The following FGF12 variants were observed in gnomAD, a reference collection of about 807,000 sequenced individuals.
FGF12 encodes fibroblast growth factor 12B.
FGF12 carries 14 observed loss-of-function variants against 23.6 expected under a neutral mutation model. The ratio of observed to expected loss-of-function variants is 0.59; its 90% CI spans 0.39 to 0.93. The LOEUF is 0.93. Among genes scored for constraint, FGF12 ranks in the 40% least tolerant of loss-of-function variants. The pLI, the probability that FGF12 is intolerant of heterozygous loss-of-function variation, is 0.00. For missense variants in FGF12, 175 were observed against 217.8 expected, an observed-to-expected ratio of 0.80 and a Z score of 1.24; for synonymous variants, 62 against 77.3, an observed-to-expected ratio of 0.80 and a Z score of 1.04.
chr3:192,660,336 A>G (rs973291529), intron 2 of FGF12, among the ~76,000 whole-genome samples: 2 of 128,986 alleles, frequency 1.6e-5, no homozygotes, highest in African/African-American at 5.9e-5. Flanking sequence ...CAAGAAGGGG[A>G]ACATCACACA....
At chr3:192,655,726 A>T (rs1231163274) in intron 2 of FGF12, among the ~76,000 whole-genome samples, 1 of 152,198 alleles carries the variant, frequency 6.6e-6, no homozygotes, top group East Asian at 1.9e-4. Context: ...CGAGTGTCCC[A>T]TGCTAATATG....
At chr3:192,442,845 T>C (rs1722240911) in intron 2 of FGF12, among the ~76,000 whole-genome samples, 2 of 151,324 alleles carry the variant, frequency 1.3e-5, no homozygotes, top group South Asian at 4.2e-4. Context: ...TCTCATTCTG[T>C]CACCCAGGAT....
intron 3 of FGF12, among the ~76,000 whole-genome samples, chr3:192,345,142 A>T (rs1241622486): frequency 6.6e-6 from 1 of 152,224 alleles, no homozygotes; most frequent in Non-Finnish European, 1.5e-5. Flanking sequence ...TTCATCACAT[A>T]TATTCCAGAC....
intron 2 of FGF12, among the ~76,000 whole-genome samples, chr3:192,672,083 A>C (rs1717144755): frequency 6.6e-6 from 1 of 151,634 alleles, no homozygotes; most frequent in South Asian, 2.1e-4. Context: ...AGCTCTCTTG[A>C]CTTCCAGTCC....
At chr3:192,634,884 G>A (rs1715523044) in intron 2 of FGF12, among the ~76,000 whole-genome samples, 1 of 151,998 alleles carries the variant, frequency 6.6e-6, no homozygotes, top group East Asian at 1.9e-4. Flanking sequence ...TTTTGCAACA[G>A]AGTCTCACTC....
intron 2 of FGF12, among the ~76,000 whole-genome samples, chr3:192,483,481 T>A (rs1421030874): frequency 1.3e-5 from 2 of 152,216 alleles, no homozygotes; most frequent in Admixed American, 1.3e-4. Context: ...AACAGAATTA[T>A]GCCTGATACG....
At chr3:192,718,046 G>T (rs1236551743) in intron 2 of FGF12, among the ~76,000 whole-genome samples, 1 of 149,918 alleles carries the variant, frequency 6.7e-6, no homozygotes, top group African/African-American at 2.5e-5. Context: ...GAGTGCAATT[G>T]TTTTTTAGTA....
chr3:192,537,928 G>A (rs1427318234), intron 2 of FGF12, among the ~76,000 whole-genome samples: 1 of 138,680 alleles, frequency 7.2e-6, no homozygotes, highest in Non-Finnish European at 1.6e-5. Context: ...ATAGTGTAAG[G>A]TCTTAGATTT....
At position 192,514,949 on chromosome 3, in the gene FGF12, C is replaced by A; in HGVS notation, c.14-154411G>T. The A allele has an allele frequency of 1.2e-6, 1 of 857,220 alleles. No homozygotes were observed. Among genetic ancestry groups the A allele is most frequent in the Non-Finnish European group, 1.4e-6 (1 of 712,914 alleles). The allele number at this position is 857,220 out of a possible 1,614,324, so 53.1% of individuals were successfully genotyped here. On this transcript the variant is annotated intron_variant, in intron 2 of 5. Coordinates refer to ENST00000445105, the MANE Select transcript of FGF12 (RefSeq NM_004113.6). The surrounding 1 kb of genome is among the most constrained non-coding windows in gnomAD (Gnocchi z 4.9). Reference sequence around the variant, plus strand: ...GGGCCGGGACGCGGAAGTGCCGGTCCGCCGGGGGCAGCCCTCCGAGAGCCC... The same window carrying A: ...GGGCCGGGACGCGGAAGTGCCGGTCAGCCGGGGGCAGCCCTCCGAGAGCCC...
intron 4 of FGF12, among the ~76,000 whole-genome samples, chr3:192,306,622 T>C (rs1715665393): frequency 1.3e-5 from 2 of 152,194 alleles, no homozygotes; most frequent in Admixed American, 1.3e-4. Flanking sequence ...TGAATTCTAG[T>C]TCTCAACCCT....
intron 2 of FGF12, among the ~76,000 whole-genome samples, chr3:192,369,649 T>G (rs970679933): frequency 1.3e-5 from 2 of 152,210 alleles, no homozygotes; most frequent in Admixed American, 1.3e-4. Context: ...ATTAGCCCCC[T>G]TCCTCCTAGA....
intron 4 of FGF12, among the ~76,000 whole-genome samples, chr3:192,232,513 G>GTATT (rs112832511): frequency 0.12 from 17,335 of 147,368 alleles, 1,257 homozygotes; most frequent in East Asian, 0.28. Flanking sequence ...CCATGCACGT[G>GTATT]TATTTATTTA....
intron 2 of FGF12, among the ~76,000 whole-genome samples, chr3:192,646,669 T>C (rs2108671792): frequency 6.6e-6 from 1 of 152,222 alleles, no homozygotes; most frequent in Admixed American, 6.5e-5. Flanking sequence ...AGGCAAATCG[T>C]TAGAGACAAA....
chr3:192,189,481 T>G (rs1256085055), intron 4 of FGF12, among the ~76,000 whole-genome samples: 1 of 152,158 alleles, frequency 6.6e-6, no homozygotes, highest in Non-Finnish European at 1.5e-5. Flanking sequence ...ACCCCAAAAT[T>G]TTTTTGTTGA....
chr3:192,297,616 G>T (rs1715116257), intron 4 of FGF12, among the ~76,000 whole-genome samples: 1 of 152,124 alleles, frequency 6.6e-6, no homozygotes, highest in Admixed American at 6.5e-5. Flanking sequence ...CCCTTCATTT[G>T]CAAAGTGCTT....
intron 4 of FGF12, among the ~76,000 whole-genome samples, chr3:192,333,759 T>C (rs1296373563): frequency 6.6e-6 from 1 of 152,042 alleles, no homozygotes; most frequent in Non-Finnish European, 1.5e-5. Context: ...TGAAAATCGA[T>C]GGACAAAAGG....
At chr3:192,379,319 A>G (rs1028188829) in intron 2 of FGF12, among the ~76,000 whole-genome samples, 1 of 151,394 alleles carries the variant, frequency 6.6e-6, no homozygotes, top group Non-Finnish European at 1.5e-5. Context: ...AAAATCATGT[A>G]TTCTGGAGAT....
At chr3:192,417,809 G>A (rs1488240355) in intron 2 of FGF12, among the ~76,000 whole-genome samples, 1 of 151,974 alleles carries the variant, frequency 6.6e-6, no homozygotes, top group Non-Finnish European at 1.5e-5. Context: ...CACCACTCTA[G>A]GGAAGGGAAA....
rs1453242061 is a variant in FGF12 at position 192,340,537 on chromosome 3, ATCT to A, written c.125-5076_125-5074del. Among the ~76,000 whole-genome samples the A allele has an allele frequency of 3.9e-5, 6 of 152,196 alleles. No individual in the cohort carries two copies. In the South Asian group the frequency reaches 8.3e-4, roughly 21 times the overall value. The stretch of plus-strand genomic sequence containing the variant: ...CAAGTATTTAATCTGACATTCAAAG[ATCT>A]TCTTAAACTTGTCCTTTCCAAAAGG... On this transcript the variant is annotated intron_variant, in intron 3 of 5. Coordinates refer to ENST00000445105, the MANE Select transcript of FGF12 (RefSeq NM_004113.6).
Sources: allele counts gnomAD v4.1 joint callset (sites outside exome capture counted in the v4.1 genomes callset), GRCh38; gene constraint gnomAD v4.1.1; non-coding constraint Gnocchi (gnomAD v3.1); transcripts MANE v1.5; gene names NCBI Gene and HGNC (gene_info 2026-07-23, HGNC 2026-07-21).